ATP2C1: variants seen among roughly 807,000 people sequenced by gnomAD.
The protein encoded by ATP2C1 is calcium-transporting ATPase type 2C member 1.
ATP2C1 carries 31 observed loss-of-function variants against 120.5 expected under a neutral mutation model. That is an observed-to-expected ratio of 0.26 (90% CI 0.19 to 0.35). ATP2C1 has a LOEUF of 0.35. Among genes scored for constraint, ATP2C1 ranks in the 10% least tolerant of loss-of-function variants. The probability of loss-of-function intolerance (pLI) is 1.00; values close to 1 mark genes in which losing one functional copy is unlikely to be tolerated. For synonymous variants in ATP2C1, 351 were observed against 358.7 expected (o/e 0.98, Z 0.24); for missense variants, 731 against 1,107.5 (o/e 0.66, Z 4.83).
At chr3:131,016,168 G>A in exon 27 of ATP2C1, 2 of 1,614,064 alleles carry the variant, frequency 1.2e-6, no homozygotes, top group Non-Finnish European at 1.7e-6. Flanking sequence ...CTCTGGGAGA[G>A]GAGTGGACAG....
At chr3:130,910,807 C>T (rs1302090277) in intron 2 of ATP2C1, among the ~76,000 whole-genome samples, 1 of 72,334 alleles carries the variant, frequency 1.4e-5, no homozygotes, top group Non-Finnish European at 2.9e-5. Context: ...CCCACTTGAT[C>T]ATGGTGGATA....
At chr3:131,013,985 T>C (rs1411961169) in intron 26 of ATP2C1, 76 of 1,138,444 alleles carry the variant, frequency 6.7e-5, no homozygotes, top group Non-Finnish European at 9.4e-5. Context: ...AGCTAATTGT[T>C]TCAAGGGTGG....
intron 2 of ATP2C1, among the ~76,000 whole-genome samples, chr3:130,925,590 G>A (rs1460722788): frequency 1.3e-5 from 2 of 152,210 alleles, no homozygotes; most frequent in African/African-American, 4.8e-5. Flanking sequence ...GAGCATATCA[G>A]CTGTGGTGCT....
chr3:130,923,590 G>A (rs776550705), intron 2 of ATP2C1, among the ~76,000 whole-genome samples: 5 of 151,866 alleles, frequency 3.3e-5, no homozygotes, highest in South Asian at 2.1e-4. Context: ...CTTCTAGGCC[G>A]GAAGTGGTGG....
At chr3:130,947,054 C>T (rs1362760941) in intron 8 of ATP2C1, among the ~76,000 whole-genome samples, 1 of 152,162 alleles carries the variant, frequency 6.6e-6, no homozygotes, top group East Asian at 1.9e-4. Context: ...ACCATGTGAG[C>T]CTAGGCAAGC....
rs372317337 is a variant in ATP2C1 at position 130,941,668 on chromosome 3, A to G, written c.500A>G (p.Asp167Gly). The change falls in exon 8 of 28, where the codon GAT (aspartate) becomes GGT (glycine). Residue 167 changes from aspartate (D) to glycine (G), a missense_variant. By Grantham distance (94) the Asp-to-Gly change is moderately conservative. Around this residue, in one of 3 missense-constraint regions of ATP2C1, gnomAD observed 571 missense variants for 845.9 expected, o/e 0.67. Coordinates refer to ENST00000510168, the MANE Select transcript of ATP2C1 (RefSeq NM_001378687.1). ...GATACAGTTTGCCTTTCTGTTGGGG[A>G]TAGAGTTCCTGCTGACTTACGCTTG... Reference protein sequence around the residue: ...PGDTVCLSVGDRVPADLRLFE... With the variant: ...PGDTVCLSVGGRVPADLRLFE... The G allele has an allele frequency of 5.9e-5, 96 of 1,613,906 alleles. No individual in the cohort carries two copies. The African/African-American group carries it at 1.1e-3, about 19-fold the overall frequency.
chr3:130,979,576 G>C (rs893258466), intron 19 of ATP2C1, among the ~76,000 whole-genome samples, 157 bp downstream of exon 19: 1 of 151,966 alleles, frequency 6.6e-6, no homozygotes, highest in Non-Finnish European at 1.5e-5. Flanking sequence ...TATAAAGTTG[G>C]CAAAACTGAT....
At chr3:130,912,508 A>G (rs1260790751) in intron 2 of ATP2C1, among the ~76,000 whole-genome samples, 5 of 147,998 alleles carry the variant, frequency 3.4e-5, no homozygotes, top group African/African-American at 1.3e-4. Context: ...AAAAATGCTC[A>G]TCATCACTGG....
At chr3:130,908,645 A>C (rs991749430) in intron 2 of ATP2C1, among the ~76,000 whole-genome samples, 25 of 152,150 alleles carry the variant, frequency 1.6e-4, no homozygotes, top group African/African-American at 6.0e-4. Flanking sequence ...GTTTTCTGAA[A>C]AATCATTAAG....
At chr3:130,899,275 A>G (rs1024987816) in intron 2 of ATP2C1, 3 of 152,170 alleles carry the variant, frequency 2.0e-5, no homozygotes, top group Admixed American at 1.3e-4. Flanking sequence ...CTGAAAACTA[A>G]ACTACTAATA....
intron 9 of ATP2C1, 131 bp from the exon 10 acceptor site, chr3:130,954,881 A>G (rs2060512249): frequency 1.4e-6 from 1 of 700,312 alleles, no homozygotes; most frequent in Non-Finnish European, 2.6e-6. Context: ...TTGCTGAGGA[A>G]ATCTTAGGAG....
chr3:130,852,656 T>C (rs1262332310), intron 1 of ATP2C1, among the ~76,000 whole-genome samples: 1 of 152,214 alleles, frequency 6.6e-6, no homozygotes, highest in Non-Finnish European at 1.5e-5. Context: ...GCAGACCTAA[T>C]GTCTCACAGA....
intron 3 of ATP2C1, 65 bp from the exon 4 acceptor site, chr3:130,931,957 G>A (rs2059469509): frequency 9.8e-7 from 1 of 1,020,428 alleles, no homozygotes; most frequent in Admixed American, 1.7e-5. Context: ...TATATTATGT[G>A]CTTTTTTGTG....
intron 18 of ATP2C1, 117 bp from the exon 19 acceptor site, chr3:130,979,132 A>G (rs1355767026): frequency 3.1e-6 from 3 of 953,300 alleles, no homozygotes; most frequent in East Asian, 2.5e-5. Context: ...AAATGACATT[A>G]TAGTCTTAAG....
upstream of ATP2C1, among the ~76,000 whole-genome samples, chr3:130,893,363 C>T (rs908281305): frequency 1.8e-4 from 27 of 152,184 alleles, no homozygotes; most frequent in African/African-American, 5.5e-4. Flanking sequence ...TTAGCTCTCC[C>T]TGGAGCTCTC....
intron 1 of ATP2C1, among the ~76,000 whole-genome samples, chr3:130,884,980 C>T (rs1002437428): frequency 7.0e-6 from 1 of 142,362 alleles, no homozygotes; most frequent in African/African-American, 2.6e-5. Flanking sequence ...GTCGCCCAGG[C>T]TGGAGTACAA....
At chr3:130,924,165 A>C (rs1220094377) in intron 2 of ATP2C1, among the ~76,000 whole-genome samples, 1 of 148,242 alleles carries the variant, frequency 6.7e-6, no homozygotes, top group Admixed American at 6.7e-5. Flanking sequence ...TTTTCATTGC[A>C]TCATTGTTAT....
intron 10 of ATP2C1, 134 bp from the exon 11 acceptor site, chr3:130,955,970 G>A: frequency 1.5e-6 from 1 of 677,696 alleles, no homozygotes; most frequent in South Asian, 1.5e-5. Context: ...CAGTGAAGGT[G>A]ATTATTTACC....
At chr3:130,905,271 T>G (rs1030783027) in intron 2 of ATP2C1, among the ~76,000 whole-genome samples, 28 of 152,220 alleles carry the variant, frequency 1.8e-4, no homozygotes, top group African/African-American at 5.8e-4. Flanking sequence ...TTTTATTTTC[T>G]TATCTATCCA....
Sources: allele counts gnomAD v4.1 joint callset (sites outside exome capture counted in the v4.1 genomes callset), GRCh38; gene constraint gnomAD v4.1.1; regional missense constraint gnomAD v4.1.1; transcripts MANE v1.5; gene names NCBI Gene and HGNC (gene_info 2026-07-23, HGNC 2026-07-21).